The following ATG2B variants were observed in gnomAD, a reference collection of about 807,000 sequenced individuals.
The protein encoded by ATG2B is autophagy-related protein 2 homolog B.
Under a neutral mutation model 241.3 loss-of-function variants are expected in ATG2B, and 121 were observed. The observed-to-expected ratio is 0.50, with a 90% CI of 0.43 to 0.58. The LOEUF (loss-of-function observed/expected upper bound fraction) is 0.58. Ranked by LOEUF, ATG2B falls within the 20% of genes least tolerant of loss-of-function variation. The probability of loss-of-function intolerance (pLI) is 0.00; values close to 1 mark genes in which losing one functional copy is unlikely to be tolerated. For synonymous variants in ATG2B, 858 were observed against 876.6 expected (o/e 0.98, Z 0.37); for missense variants, 2,306 against 2,491.6 (o/e 0.93, Z 1.59).
At chr14:96,295,647 AT>A (rs1886618793) in intron 34 of ATG2B, 87 bp from the exon 35 acceptor site, 1 of 813,374 alleles carries the variant, frequency 1.2e-6, no homozygotes, top group Non-Finnish European at 1.9e-6. Context: ...AAACTCATAT[AT>A]TTTACTCATT....
chr14:96,340,457 T>C (rs1218540866), intron 6 of ATG2B, among the ~76,000 whole-genome samples: 1 of 151,986 alleles, frequency 6.6e-6, no homozygotes, highest in Non-Finnish European at 1.5e-5. Flanking sequence ...CACAAAAAGA[T>C]AACGCATGTT....
Position 96,290,840 on chromosome 14 carries a change from C to T in ATG2B, c.5675G>A (p.Gly1892Glu). 1.2e-6 allele frequency: 2 copies of T among 1,613,850 alleles called. No individual in the cohort carries two copies. Among genetic ancestry groups the T allele is most frequent in the Non-Finnish European group, 1.7e-6 (2 of 1,179,928 alleles). Reference sequence around the variant, plus strand: ...TAATTGTACTAGTGAATGCATAGGTCCAACACCTCCCAGGATTCCTGGTAG... The same window carrying T: ...TAATTGTACTAGTGAATGCATAGGTTCAACACCTCCCAGGATTCCTGGTAG... The part of the protein sequence containing the change: ...NQLPGILGGV[G>E]PMHSLVQLVQ... The change falls in exon 39 of 42, where the codon GGA (glycine) becomes GAA (glutamate). Residue 1892 changes from glycine (G) to glutamate (E), a missense_variant. By Grantham distance (98) the Gly-to-Glu change is moderately conservative. Around this residue, in one of 2 missense-constraint regions of ATG2B, gnomAD observed 379 missense variants for 480.4 expected, o/e 0.79. Transcript: ENST00000359933. This position sits in a 1 kb window ranked among gnomAD's most constrained non-coding sequence, Gnocchi z 4.4.
At chr14:96,297,631 T>C (rs565676266) in intron 34 of ATG2B, among the ~76,000 whole-genome samples, 14 of 152,196 alleles carry the variant, frequency 9.2e-5, no homozygotes, top group African/African-American at 3.4e-4. Flanking sequence ...ACCCCTGACC[T>C]CGTGATCCAC....
In ATG2B at chr14:96,285,040, C is replaced by T. The variant is rs1449269728; in HGVS notation, c.*715G>A. The stretch of plus-strand genomic sequence containing the variant: ...ATTACATTGAAGTTACCTTCCTTTG[C>T]CAAAAACTTTCAGACAAGTTTACTG... On this transcript the variant is annotated 3_prime_UTR_variant, in exon 42 of 42. Transcript: ENST00000359933. This position sits in a 1 kb window ranked among gnomAD's most constrained non-coding sequence, Gnocchi z 4.2. 1 of 152,128 alleles carries T rather than the reference C, an allele frequency of 6.6e-6. No individual in the cohort carries two copies. Among genetic ancestry groups the T allele is most frequent in the Non-Finnish European group, 1.5e-5 (1 of 68,030 alleles). The allele number at this position is 152,128 out of a possible 1,614,324, so 9.4% of individuals were successfully genotyped here.
intron 29 of ATG2B, among the ~76,000 whole-genome samples, chr14:96,308,265 TATATATATATATATA>T (rs1887041156): frequency 5.7e-4 from 15 of 26,130 alleles, no homozygotes; most frequent in South Asian, 9.6e-4. Context: ...CACATATATA[TATATATATATATATA>T]TATTTTTTTT....
chr14:96,323,449 C>A (rs766089172), intron 16 of ATG2B, among the ~76,000 whole-genome samples: 1 of 152,220 alleles, frequency 6.6e-6, no homozygotes, highest in Non-Finnish European at 1.5e-5. Flanking sequence ...AATAGCTGTG[C>A]TGCAACTGCA....
rs897494690 is a variant in ATG2B, at chr14:96,283,588, AAGTC to A, written c.*2163_*2166del. On this transcript the variant is annotated 3_prime_UTR_variant, in exon 42 of 42. Transcript: ENST00000359933. ...CTTACAGGGATCAGATGTCCTGGAC[AAGTC>A]ATCCGTTTGGTAAGCTGCAGATGTG... 6.6e-6 allele frequency: 1 copy of A among 152,242 alleles called. No individual in the cohort carries two copies. The highest frequency in any genetic ancestry group is 2.4e-5 in the African/African-American group (1 of 41,456). 9.4% of individuals were successfully genotyped at this position (152,242 alleles called of 1,614,324 possible).
At chr14:96,319,112 T>G (rs1205647432) in intron 18 of ATG2B, among the ~76,000 whole-genome samples, 2 of 152,232 alleles carry the variant, frequency 1.3e-5, no homozygotes, top group Admixed American at 6.5e-5. Flanking sequence ...TGCCCCCTTC[T>G]GTGAGAAGCC....
At chr14:96,308,284 T>TTATATATATATATA (rs1887056470) in intron 29 of ATG2B, among the ~76,000 whole-genome samples, 2 of 43,016 alleles carry the variant, frequency 4.6e-5, no homozygotes, top group Non-Finnish European at 8.3e-5. Flanking sequence ...ATATATATAT[T>TTATATATATATATA]TTTTTTTTTT....
intron 11 of ATG2B, 132 bp downstream of exon 11, chr14:96,331,244 T>G: frequency 1.1e-6 from 1 of 884,094 alleles, no homozygotes; most frequent in African/African-American, 1.7e-5. Flanking sequence ...TTCCATTCAT[T>G]TACAAATAAA....
chr14:96,340,209 TTGTGTGTGTGTGTGTG>T (rs199502512), intron 6 of ATG2B, among the ~76,000 whole-genome samples: 1 of 90,340 alleles, frequency 1.1e-5, no homozygotes, highest in Non-Finnish European at 2.9e-5. Context: ...ACACACATCT[TTGTGTGTGTGTGTGTG>T]TGTGTGTGTA....
Position 96,341,565 on chromosome 14 carries a change from A to C in ATG2B, c.881T>G (p.Leu294Trp), listed in dbSNP as rs775503876. 6.2e-6 allele frequency: 10 copies of C among 1,603,602 alleles called. No homozygotes were observed. The South Asian group carries it at 1.1e-4, about 18-fold the overall frequency. The change falls in exon 6 of 42, where the codon TTG becomes TGG. Residue 294 changes from leucine to tryptophan, a missense_variant. This residue lies in a region of ATG2B where 1,927 missense variants were observed against 2,011.2 expected (regional missense o/e 0.96). Coordinates refer to ENST00000359933, the MANE Select transcript of ATG2B (RefSeq NM_018036.7). The stretch of plus-strand genomic sequence containing the variant: ...TTCATTCTGTTTCAACGTGAGACTC[A>C]ACTCCAACCTACCAATTAACCGTCC... Reference protein sequence around the residue: ...QIGRLIGRLELSLTLKQNEVL... With the variant: ...QIGRLIGRLEWSLTLKQNEVL...
chr14:96,321,953 T>C (rs578203428), intron 18 of ATG2B, among the ~76,000 whole-genome samples, 159 bp downstream of exon 18: 40 of 152,068 alleles, frequency 2.6e-4, no homozygotes, highest in African/African-American at 8.7e-4. Context: ...GCTATGACAA[T>C]AGCACATCAT....
In ATG2B at chr14:96,290,702, G is replaced by T; in HGVS notation, c.5701+112C>A. ...TGGAGGCAAAGTTTTGTGTATATGA[G>T]TACATATGTGAGTTTTCTAGACTAA... On this transcript the variant is annotated intron_variant, in intron 39 of 41. Transcript: ENST00000359933. This position sits in a 1 kb window ranked among gnomAD's most constrained non-coding sequence, Gnocchi z 4.4. The T allele has an allele frequency of 6.5e-7, 1 of 1,540,844 alleles. No homozygotes were observed. The highest frequency in any genetic ancestry group is 8.8e-7 in the Non-Finnish European group (1 of 1,135,850).
intron 6 of ATG2B, among the ~76,000 whole-genome samples, chr14:96,340,138 G>GATATATATATCATATATT (rs1289316687): frequency 1.3e-5 from 1 of 74,314 alleles, no homozygotes; most frequent in Non-Finnish European, 3.8e-5. Context: ...TATCATATAT[G>GATATATATATCATATATT]ATATATATGA....
intron 1 of ATG2B, among the ~76,000 whole-genome samples, chr14:96,347,908 T>C (rs1212797815): frequency 6.6e-6 from 1 of 152,204 alleles, no homozygotes; most frequent in Non-Finnish European, 1.5e-5. Context: ...TTACACCCAC[T>C]ATGGAGAACA....
At chr14:96,332,710 T>C (rs1887773918) in intron 8 of ATG2B, 55 bp from the exon 9 acceptor site, 2 of 1,401,244 alleles carry the variant, frequency 1.4e-6, no homozygotes, top group East Asian at 4.7e-5. Flanking sequence ...TTCAAGTCTT[T>C]TAAGTAAGTT....
In ATG2B at chr14:96,325,630, C is replaced by T. The variant is rs1887568777; in HGVS notation, c.2437+19G>A. On this transcript the variant is annotated intron_variant, in intron 15 of 41. Coordinates refer to ENST00000359933, the MANE Select transcript of ATG2B (RefSeq NM_018036.7). The stretch of plus-strand genomic sequence containing the variant: ...TTTGTTATCTAGGATGGTTCTTTTA[C>T]AGGCACATTCAATCTTACCAATTAG... 10 of 1,594,242 alleles carry T rather than the reference C, an allele frequency of 6.3e-6. No homozygotes were observed. The highest frequency in any genetic ancestry group is 7.7e-6 in the Non-Finnish European group (9 of 1,171,598).
At chr14:96,316,831 G>A in intron 20 of ATG2B, 148 bp from the exon 21 acceptor site, 1 of 666,856 alleles carries the variant, frequency 1.5e-6, no homozygotes, top group East Asian at 2.8e-5. Flanking sequence ...TCAATATCAT[G>A]GTATAAAATA....
Sources: gnomAD v4.1 joint callset for allele counts (sites outside exome capture counted in the v4.1 genomes callset) on GRCh38, gnomAD v4.1.1 for gene constraint, gnomAD v4.1.1 regional missense constraint, Gnocchi (gnomAD v3.1) non-coding constraint, MANE v1.5 for transcripts, NCBI Gene and HGNC (gene_info 2026-07-23, HGNC 2026-07-21) for gene names.